SRC: variants seen among roughly 807,000 people sequenced by gnomAD.
SRC encodes the protein proto-oncogene tyrosine-protein kinase Src.
SRC carries 13 observed loss-of-function variants against 62.9 expected under a neutral mutation model. The observed-to-expected ratio is 0.21, with a 90% CI of 0.13 to 0.33. SRC has a LOEUF of 0.33. Ranked by LOEUF, SRC falls within the 10% of genes least tolerant of loss-of-function variation. The pLI is 1.00. For synonymous variants in SRC, 302 were observed against 317.5 expected, an observed-to-expected ratio of 0.95 and a Z score of 0.52; for missense variants, 457 against 737.3, an observed-to-expected ratio of 0.62 and a Z score of 4.40.
chr20:37,368,629 T>C (rs1210749755), intron 2 of SRC, among the ~76,000 whole-genome samples: 1 of 127,538 alleles, frequency 7.8e-6, no homozygotes, highest in Non-Finnish European at 1.6e-5. Context: ...CTCGGCTCAC[T>C]GCAAGCTCCG....
In SRC at chr20:37,397,920, C is replaced by G. The variant is rs770683757; in HGVS notation, c.859+66C>G. ...CCACCCCGTGTGGCAGCTCCGGGCT[C>G]CCTTGGTCCCTTTGCCTTTAGCTGC... On this transcript the variant is annotated intron_variant, in intron 9 of 13. Coordinates refer to ENST00000373578, the MANE Select transcript of SRC (RefSeq NM_198291.3). The surrounding 1 kb of genome is among the most constrained non-coding windows in gnomAD (Gnocchi z 4.1). The G allele has an allele frequency of 8.6e-6, 13 of 1,513,394 alleles. No individual in the cohort carries two copies. In the South Asian group the frequency reaches 1.6e-4, roughly 19 times the overall value. The allele number at this position is 1,513,394 out of a possible 1,614,324, so 93.7% of individuals were successfully genotyped here. A position where few individuals can be genotyped will look rare whatever the true frequency, so the allele number is the denominator to read the frequency against.
At position 37,384,185 on chromosome 20, in the gene SRC, C is replaced by T. The variant is rs1212841399; in HGVS notation, c.32C>T (p.Ala11Val). The part of the protein sequence containing the change: MGSNKSKPKD[A>V]SQRRRSLEPA... ...AGCAACAAGAGCAAGCCCAAGGATG[C>T]CAGCCAGCGGCGCCGCAGCCTGGAG... Residue 11 changes from alanine to valine, a missense_variant, in exon 4 of 14, where the codon GCC (alanine) becomes GTC (valine). Around this residue, in one of 4 missense-constraint regions of SRC, gnomAD observed 132 missense variants for 135.4 expected, o/e 0.98. Transcript: ENST00000373578. This position sits in a 1 kb window ranked among gnomAD's most constrained non-coding sequence, Gnocchi z 6.7. 6.3e-7 allele frequency: 1 copy of T among 1,598,918 alleles called. No individual in the cohort carries two copies.
Position 37,397,340 on chromosome 20 carries a change from C to T in SRC, c.704-359C>T, listed in dbSNP as rs2070668525. On this transcript the variant is annotated intron_variant, in intron 8 of 13. Transcript: ENST00000373578. The surrounding 1 kb of genome is among the most constrained non-coding windows in gnomAD (Gnocchi z 4.1). ...CACTCCTGCTGTTGCGCGAACAGCT[C>T]TCCAGTCACATTCACATCTGTGGTC... 1.3e-5 allele frequency among the ~76,000 whole-genome samples: 2 copies of T among 152,208 alleles called. No homozygotes were observed. Among genetic ancestry groups the T allele is most frequent in the South Asian group, 2.1e-4 (1 of 4,838 alleles).
intron 2 of SRC, among the ~76,000 whole-genome samples, chr20:37,372,955 T>C (rs2070190164): frequency 1.3e-5 from 2 of 152,126 alleles, no homozygotes; most frequent in South Asian, 4.1e-4. Flanking sequence ...TCTTATGTCA[T>C]GTTTAGGAAT....
intron 2 of SRC, among the ~76,000 whole-genome samples, chr20:37,368,840 C>T (rs1180589199): frequency 2.6e-5 from 4 of 151,930 alleles, no homozygotes; most frequent in Admixed American, 1.3e-4. Context: ...CGTGAGCCAC[C>T]GCGCCCGGCT....
At chr20:37,388,769 A>T (rs1601003562) in intron 5 of SRC, among the ~76,000 whole-genome samples, 1 of 120,620 alleles carries the variant, frequency 8.3e-6, no homozygotes, top group South Asian at 2.9e-4. Flanking sequence ...TGAAGGAGGG[A>T]GGTGTAGGTG....
At chr20:37,370,963 TTTCTTCTTCTTCTTC>T (rs536060536) in intron 2 of SRC, among the ~76,000 whole-genome samples, 1 of 147,354 alleles carries the variant, frequency 6.8e-6, no homozygotes, top group South Asian at 2.1e-4. Context: ...GAATTTTCTA[TTTCTTCTTCTTCTTC>T]TTCTTCTTCT....
chr20:37,393,224 TC>T (rs2070582310), intron 5 of SRC, among the ~76,000 whole-genome samples: 1 of 152,158 alleles, frequency 6.6e-6, no homozygotes, highest in African/African-American at 2.4e-5. Context: ...GGCCTCAGTT[TC>T]CCCCTGCAGA....
intron 2 of SRC, among the ~76,000 whole-genome samples, chr20:37,375,130 C>A (rs530442228): frequency 6.6e-5 from 10 of 151,940 alleles, no homozygotes; most frequent in African/African-American, 2.2e-4. Context: ...GAGGTTTCAC[C>A]ATGTTGGCCA....
chr20:37,386,103 T>C lies in SRC; in HGVS notation c.279T>C (p.Tyr93=). 6.2e-7 allele frequency: 1 copy of C among 1,614,190 alleles called. No individual in the cohort carries two copies. The highest frequency in any genetic ancestry group is 8.5e-7 in the Non-Finnish European group (1 of 1,180,014). The change falls in exon 5 of 14, where the codon TAT becomes TAC. Residue 93 remains tyrosine (Y), a synonymous_variant. Coordinates refer to ENST00000373578, the MANE Select transcript of SRC (RefSeq NM_198291.3). ...AGGVTTFVAL[Y]DYESRTETDL... ...GAGTGACCACCTTTGTGGCCCTCTA[T>C]GACTATGAGTCTAGGACGGAGACAG... is the stretch of plus-strand genomic sequence containing the variant.
In SRC at chr20:37,400,242, T is replaced by C. The variant is rs1216889671; in HGVS notation, c.987T>C (p.Tyr329=). The change falls in exon 10 of 14, where the codon TAT becomes TAC. Residue 329 remains tyrosine (Y), a synonymous_variant. Transcript: ENST00000373578. ...KLRHEKLVQL[Y]AVVSEEPIYI... The stretch of plus-strand genomic sequence containing the variant: ...GGCATGAGAAGCTGGTGCAGTTGTA[T>C]GCTGTGGTTTCAGAGGAGCCCATTT... 3 of 1,614,052 alleles carry C rather than the reference T, an allele frequency of 1.9e-6. No individual in the cohort carries two copies. The highest frequency in any genetic ancestry group is 4.5e-5 in the East Asian group (2 of 44,886).
At chr20:37,362,263 G>A (rs1303234810) in intron 1 of SRC, among the ~76,000 whole-genome samples, 1 of 150,740 alleles carries the variant, frequency 6.6e-6, no homozygotes, top group Admixed American at 6.6e-5. Context: ...GTCTCACTTT[G>A]TTGCCCAGGC....
intron 2 of SRC, among the ~76,000 whole-genome samples, chr20:37,376,245 T>C (rs2070276204): frequency 6.6e-6 from 1 of 152,228 alleles, no homozygotes; most frequent in African/African-American, 2.4e-5. Flanking sequence ...TTGGAGGCTT[T>C]TGCCTAACTG....
chr20:37,390,052 A>G (rs1458865068), intron 5 of SRC, among the ~76,000 whole-genome samples: 1 of 152,172 alleles, frequency 6.6e-6, no homozygotes, highest in African/African-American at 2.4e-5. Flanking sequence ...TGATATCTCC[A>G]TTTCACAGGT....
intron 2 of SRC, among the ~76,000 whole-genome samples, chr20:37,371,960 C>T (rs978966077): frequency 6.6e-6 from 1 of 152,096 alleles, no homozygotes; most frequent in Non-Finnish European, 1.5e-5. Flanking sequence ...CTTGGTCTCC[C>T]AAAGTGCTAG....
intron 11 of SRC, 180 bp downstream of exon 11, chr20:37,401,858 T>C: frequency 2.0e-6 from 1 of 505,386 alleles, no homozygotes. Flanking sequence ...TGAGGGGTGA[T>C]TCTGGGCAGC....
Position 37,396,078 on chromosome 20 carries a change from C to A in SRC, c.554-84C>A. 6.5e-7 allele frequency: 1 copy of A among 1,535,062 alleles called. No homozygotes were observed. Among genetic ancestry groups the A allele is most frequent in the Non-Finnish European group, 8.8e-7 (1 of 1,139,618 alleles). On this transcript the variant is annotated intron_variant, in intron 7 of 13. Coordinates refer to ENST00000373578, the MANE Select transcript of SRC (RefSeq NM_198291.3). The surrounding 1 kb of genome is among the most constrained non-coding windows in gnomAD (Gnocchi z 6.1). ...CCTGGGCCTCCCTTCCCTCCAATGT[C>A]AGGCAGGCACAGAACGGTGTCCAGA...
intron 1 of SRC, among the ~76,000 whole-genome samples, chr20:37,352,847 C>G (rs2069826677): frequency 6.6e-6 from 1 of 152,218 alleles, no homozygotes; most frequent in Non-Finnish European, 1.5e-5. Context: ...CTCCCACTGC[C>G]TGGTGTGCCC....
At chr20:37,348,889 A>G (rs866867075) in intron 1 of SRC, among the ~76,000 whole-genome samples, 8 of 152,210 alleles carry the variant, frequency 5.3e-5, no homozygotes, top group African/African-American at 1.9e-4. Flanking sequence ...GGCAGCAGGA[A>G]GTGCATGTGC....
Sources: allele counts gnomAD v4.1 joint callset (sites outside exome capture counted in the v4.1 genomes callset), GRCh38; gene constraint gnomAD v4.1.1; regional missense constraint gnomAD v4.1.1; non-coding constraint Gnocchi (gnomAD v3.1); transcripts MANE v1.5; gene names NCBI Gene and HGNC (gene_info 2026-07-23, HGNC 2026-07-21).